Variants in GRID2 observed in about 807,000 individuals in gnomAD.
The protein encoded by GRID2 is glutamate receptor ionotropic, delta-2.
GRID2 carries 33 observed loss-of-function variants against 114.8 expected under a neutral mutation model. That is an observed-to-expected ratio of 0.29 (90% CI 0.22 to 0.38). The LOEUF is 0.38. Ranked by LOEUF, GRID2 falls within the 10% of genes least tolerant of loss-of-function variation. The probability of loss-of-function intolerance (pLI) is 1.00; values close to 1 mark genes in which losing one functional copy is unlikely to be tolerated. For synonymous variants in GRID2, 505 were observed against 449.9 expected (o/e 1.12, Z -1.55); for missense variants, 1,184 against 1,257.7 (o/e 0.94, Z 0.89).
At chr4:93,711,908 G>A (rs1463152095) in intron 14 of GRID2, among the ~76,000 whole-genome samples, 5 of 152,156 alleles carry the variant, frequency 3.3e-5, no homozygotes, top group Non-Finnish European at 7.3e-5. Flanking sequence ...TTCTTGTGTG[G>A]ATAGTTGTAC....
Position 93,771,827 on chromosome 4 carries a change from C to A in GRID2, c.2602-249C>A, listed in dbSNP as rs567251261. ...AACTGCTTACATATCTTTGTAGTTG[C>A]ATGTGGCATATGATCACTTTAAAAC... On this transcript the variant is annotated intron_variant, in intron 15 of 15. Transcript: ENST00000282020. Among the ~76,000 whole-genome samples the A allele has an allele frequency of 4.6e-5, 7 of 152,264 alleles. No individual in the cohort carries two copies. The South Asian group carries it at 1.5e-3, about 32-fold the overall frequency.
chr4:92,743,311 A>G (rs1305257253), intron 2 of GRID2, among the ~76,000 whole-genome samples: 1 of 152,212 alleles, frequency 6.6e-6, no homozygotes. Context: ...TCTAAAAAAT[A>G]GAATGATCAT....
chr4:92,468,194 A>C (rs141020237), intron 1 of GRID2, among the ~76,000 whole-genome samples: 187 of 152,154 alleles, frequency 1.2e-3, no homozygotes, highest in Admixed American at 6.0e-3. Flanking sequence ...GCTTATTTTC[A>C]AGTGGTTATC....
intron 2 of GRID2, among the ~76,000 whole-genome samples, chr4:92,629,335 A>T (rs1730677983): frequency 6.6e-6 from 1 of 152,130 alleles, no homozygotes; most frequent in South Asian, 2.1e-4. Context: ...GTACCATGGT[A>T]TCAGGTGCTC....
intron 8 of GRID2, among the ~76,000 whole-genome samples, chr4:93,310,390 G>T (rs1197214178): frequency 3.3e-5 from 5 of 152,074 alleles, no homozygotes; most frequent in Non-Finnish European, 5.9e-5. Context: ...AGTTAACCAG[G>T]TTTGGTGGCG....
chr4:92,735,004 C>G (rs1736522668), intron 2 of GRID2, among the ~76,000 whole-genome samples: 1 of 151,878 alleles, frequency 6.6e-6, no homozygotes, highest in Non-Finnish European at 1.5e-5. Context: ...GTCTTGGACT[C>G]TTGGGCTCAA....
chr4:93,650,443 T>C (rs1157624063), intron 14 of GRID2, among the ~76,000 whole-genome samples: 1 of 152,198 alleles, frequency 6.6e-6, no homozygotes, highest in Non-Finnish European at 1.5e-5. Flanking sequence ...TCCAACTTTT[T>C]TTCCTGAAAT....
At chr4:92,846,619 C>G (rs928258500) in intron 2 of GRID2, among the ~76,000 whole-genome samples, 2 of 152,074 alleles carry the variant, frequency 1.3e-5, no homozygotes, top group African/African-American at 4.8e-5. Context: ...CTGTGCTCCT[C>G]TCTCTACCTT....
intron 8 of GRID2, among the ~76,000 whole-genome samples, chr4:93,250,683 A>T (rs1228302050): frequency 6.8e-6 from 1 of 146,696 alleles, no homozygotes; most frequent in Non-Finnish European, 1.5e-5. Context: ...TTTATATATT[A>T]TATATATATA....
chr4:93,729,251 A>C (rs1185467172), intron 14 of GRID2, among the ~76,000 whole-genome samples: 2 of 152,030 alleles, frequency 1.3e-5, no homozygotes, highest in African/African-American at 4.8e-5. Flanking sequence ...GCATTTAGTC[A>C]GCAAGCCACT....
chr4:93,154,641 T>A lies in GRID2; in HGVS notation c.735+43688T>A, dbSNP rs144217410. 6.0e-3 allele frequency among the ~76,000 whole-genome samples: 906 copies of A among 152,068 alleles called. 12 individuals carry two copies. The highest frequency in any genetic ancestry group is 0.02 in the African/African-American group (849 of 41,514). On this transcript the variant is annotated intron_variant, in intron 4 of 15. Coordinates refer to ENST00000282020, the MANE Select transcript of GRID2 (RefSeq NM_001510.4). ...TAGGTAAAGAAATATCTTAAAAGTA[T>A]CTGATTGAAGAAACAAGGGGGTGTG...
intron 3 of GRID2, among the ~76,000 whole-genome samples, chr4:93,092,093 A>G (rs955071481): frequency 1.3e-4 from 20 of 152,148 alleles, no homozygotes; most frequent in African/African-American, 4.6e-4. Context: ...GGTGAAGAAG[A>G]TAAAGCTGGA....
intron 2 of GRID2, among the ~76,000 whole-genome samples, chr4:92,737,523 C>G (rs1299519731): frequency 6.6e-6 from 1 of 152,056 alleles, no homozygotes; most frequent in African/African-American, 2.4e-5. Context: ...TCATTTAGTT[C>G]TCCTTCATAA....
intron 11 of GRID2, among the ~76,000 whole-genome samples, chr4:93,460,551 C>T (rs1723643553): frequency 6.6e-6 from 1 of 152,152 alleles, no homozygotes; most frequent in South Asian, 2.1e-4. Flanking sequence ...ATGTATTTGT[C>T]ATAGTACTTA....
At chr4:92,357,931 TAC>T (rs1449645483) in intron 1 of GRID2, among the ~76,000 whole-genome samples, 9 of 151,988 alleles carry the variant, frequency 5.9e-5, no homozygotes, top group East Asian at 5.8e-4. Context: ...CAAGTTTCAT[TAC>T]ACAGTTATAG....
chr4:92,818,798 C>A (rs907396622), intron 2 of GRID2, among the ~76,000 whole-genome samples: 1 of 152,116 alleles, frequency 6.6e-6, no homozygotes, highest in Non-Finnish European at 1.5e-5. Flanking sequence ...CAATGAATTT[C>A]TGCCTATGGA....
intron 2 of GRID2, among the ~76,000 whole-genome samples, chr4:92,841,711 T>C (rs903993897): frequency 2.6e-5 from 4 of 152,068 alleles, no homozygotes; most frequent in African/African-American, 9.7e-5. Context: ...AGGGGAAACA[T>C]TTGTACTTCT....
intron 2 of GRID2, among the ~76,000 whole-genome samples, chr4:92,855,142 T>A (rs966981780): frequency 1.3e-4 from 20 of 152,070 alleles, no homozygotes; most frequent in African/African-American, 4.8e-4. Context: ...ATTGTGAGAC[T>A]ACTTCTTACA....
At chr4:92,573,304 C>T (rs1727722145) in intron 1 of GRID2, among the ~76,000 whole-genome samples, 1 of 152,032 alleles carries the variant, frequency 6.6e-6, no homozygotes, top group Admixed American at 6.6e-5. Context: ...TTTCATGTCT[C>T]TATCTCCTTC....
Sources: allele counts gnomAD v4.1 joint callset (sites outside exome capture counted in the v4.1 genomes callset), GRCh38; gene constraint gnomAD v4.1.1; transcripts MANE v1.5; gene names NCBI Gene and HGNC (gene_info 2026-07-23, HGNC 2026-07-21).